Variants in AOX1 observed in about 807,000 individuals in gnomAD.
The protein encoded by AOX1 is aldehyde oxidase 1, also known as aldehyde oxidase.
Under a neutral mutation model 169.5 loss-of-function variants are expected in AOX1, and 153 were observed. The observed-to-expected ratio is 0.90, with a 90% CI of 0.79 to 1.03. The LOEUF (loss-of-function observed/expected upper bound fraction) is 1.03, where lower values mean the gene tolerates loss of function less well. AOX1 is among the 50% of genes least tolerant of loss of function. The pLI, the probability that AOX1 is intolerant of heterozygous loss-of-function variation, is 0.00. For missense variants in AOX1, 1,656 were observed against 1,663.9 expected (o/e 1.00, Z 0.08); for synonymous variants, 562 against 581.9 (o/e 0.97, Z 0.49).
rs1386430493 is a variant in AOX1, at chr2:200,668,620, A to C, written c.3615A>C (p.Glu1205Asp). ...TTTTTTTGTTCTTGCCTCAGATTGAAGGTGCATTTATTCAAGGCATGGGAC... is the reference window on the plus strand; with the variant it reads ...TTTTTTTGTTCTTGCCTCAGATTGACGGTGCATTTATTCAAGGCATGGGAC... The part of the protein sequence containing the change: ...INPAIDIGQI[E>D]GAFIQGMGLY... The change falls in exon 33 of 35, where the codon GAA becomes GAC. Residue 1205 changes from glutamate to aspartate, a missense_variant. Coordinates refer to ENST00000374700, the MANE Select transcript of AOX1 (RefSeq NM_001159.4). 9 of 1,602,424 alleles carry C rather than the reference A, an allele frequency of 5.6e-6. No homozygotes were observed. The highest frequency in any genetic ancestry group is 7.7e-6 in the Non-Finnish European group (9 of 1,174,870).
At chr2:200,672,862 G>A (rs1029277076), downstream of AOX1, among the ~76,000 whole-genome samples, 9 of 152,198 alleles carry the variant, frequency 5.9e-5, no homozygotes, top group Admixed American at 1.3e-4. Context: ...GGGGAGACAA[G>A]GCATTAGAGC....
chr2:200,662,806 C>T (rs62279335), intron 30 of AOX1, 49 bp from the exon 31 acceptor site: 43,990 of 1,464,708 alleles, frequency 0.03, 1,226 homozygotes, highest in Admixed American at 0.13. Flanking sequence ...TCATCATGGT[C>T]TGCAATTAGG....
rs1392872491 is a variant in AOX1, at chr2:200,634,654, CATT to C, written c.2222-136_2222-134del. On this transcript the variant is annotated intron_variant, in intron 20 of 34. Coordinates refer to ENST00000374700, the MANE Select transcript of AOX1 (RefSeq NM_001159.4). Reference sequence around the variant, plus strand: ...ATCTGCAAGTAGACTGAAAGCTAAACATTGTTGTTTGTTATACTTCACTGTGCC... The same window carrying C: ...ATCTGCAAGTAGACTGAAAGCTAAACGTTGTTTGTTATACTTCACTGTGCC... 1.2e-5 allele frequency: 13 copies of C among 1,069,254 alleles called. No homozygotes were observed. In the African/African-American group the frequency reaches 1.9e-4, roughly 16 times the overall value. 66.2% of individuals were successfully genotyped at this position (1,069,254 alleles called of 1,614,324 possible).
chr2:200,655,296 C>T (rs1196684357), intron 26 of AOX1, among the ~76,000 whole-genome samples: 2 of 152,160 alleles, frequency 1.3e-5, no homozygotes, highest in African/African-American at 2.4e-5. Flanking sequence ...GAATGGGGCC[C>T]AGGAGCTATT....
downstream of AOX1, among the ~76,000 whole-genome samples, chr2:200,677,649 G>A (rs1272788345): frequency 6.6e-6 from 1 of 152,040 alleles, no homozygotes; most frequent in Non-Finnish European, 1.5e-5. Context: ...CCTTTATGCA[G>A]GGAATTCTTA....
chr2:200,661,807 T>A (rs1219458535), intron 30 of AOX1, among the ~76,000 whole-genome samples, 176 bp downstream of exon 30: 1 of 152,218 alleles, frequency 6.6e-6, no homozygotes, highest in Non-Finnish European at 1.5e-5. Flanking sequence ...AACATTTAAC[T>A]GCTAGTATCC....
intron 20 of AOX1, 49 bp from the exon 21 acceptor site, chr2:200,634,742 C>T (rs1559248091): frequency 6.2e-7 from 1 of 1,609,554 alleles, no homozygotes; most frequent in East Asian, 2.2e-5. Context: ...GGGACGCTAC[C>T]TGTTGCTTCT....
At position 200,644,431 on chromosome 2, in the gene AOX1, T is replaced by A. The variant is rs183446097; in HGVS notation, c.2847+1630T>A. 1.2e-4 allele frequency among the ~76,000 whole-genome samples: 18 copies of A among 152,302 alleles called. No homozygotes were observed. In the East Asian group the frequency reaches 3.5e-3, roughly 29 times the overall value. Reference sequence around the variant, plus strand: ...CTATGTGCCTATTTTTATACACTACTACACCATTTTGTTGACTATGGCCTT... The same window carrying A: ...CTATGTGCCTATTTTTATACACTACAACACCATTTTGTTGACTATGGCCTT... On this transcript the variant is annotated intron_variant, in intron 25 of 34. Coordinates refer to ENST00000374700, the MANE Select transcript of AOX1 (RefSeq NM_001159.4).
chr2:200,636,334 G>A (rs2035232600), intron 21 of AOX1, among the ~76,000 whole-genome samples: 2 of 151,832 alleles, frequency 1.3e-5, no homozygotes, highest in Admixed American at 6.6e-5. Context: ...TCATCATGTT[G>A]GCCAGGCTGG....
In AOX1 at chr2:200,643,186, CTT is replaced by C. The variant is rs35539595; in HGVS notation, c.2847+398_2847+399del. On this transcript the variant is annotated intron_variant, in intron 25 of 34. Coordinates refer to ENST00000374700, the MANE Select transcript of AOX1 (RefSeq NM_001159.4). ...TTGCTAAACTGATCTCCTTTTGGTT[CTT>C]TTTTTTTTTTTTGTAACATTAATAG... Among the ~76,000 whole-genome samples, 110 of 132,088 alleles carry C rather than the reference CTT, an allele frequency of 8.3e-4. No individual in the cohort carries two copies. In the Middle Eastern group the frequency reaches 0.016, roughly 19 times the overall value. The allele number at this position is 132,088 out of a possible 152,430, so 86.7% of individuals were successfully genotyped here.
intron 8 of AOX1, 124 bp downstream of exon 8, chr2:200,604,221 G>T (rs1034806187): frequency 8.2e-6 from 6 of 728,856 alleles, no homozygotes; most frequent in Non-Finnish European, 1.2e-5. Flanking sequence ...GTCATCCTTA[G>T]CTCAAGGTCT....
In AOX1 at chr2:200,668,753, A is replaced by G; in HGVS notation, c.3748A>G (p.Ile1250Val). 6.2e-7 allele frequency: 1 copy of G among 1,614,168 alleles called. No homozygotes were observed. Among genetic ancestry groups the G allele is most frequent in the Non-Finnish European group, 8.5e-7 (1 of 1,180,026 alleles). ...CTGTGACATGCCCACGGAGTTGCAC[A>G]TTGCTTTGTTGCCTCCTTCTCAAAA... is the stretch of plus-strand genomic sequence containing the variant. ...AICDMPTELH[I>V]ALLPPSQNSN... Residue 1250 changes from isoleucine to valine, a missense_variant, in exon 33 of 35, where the codon ATT (isoleucine) becomes GTT (valine). By Grantham distance (29) the Ile-to-Val change is conservative. Transcript: ENST00000374700.
Position 200,586,125 on chromosome 2 carries a change from A to G in AOX1, c.17A>G (p.Glu6Gly). MDRAS[E>G]LLFYVNGRKV... ...GACACCACAATGGACCGGGCGTCCG[A>G]GCTGCTCTTCTACGTGAACGGCCGC... Residue 6 changes from glutamate to glycine, a missense_variant, in exon 1 of 35, where the codon GAG (glutamate) becomes GGG (glycine). Coordinates refer to ENST00000374700, the MANE Select transcript of AOX1 (RefSeq NM_001159.4). 6.4e-7 allele frequency: 1 copy of G among 1,565,316 alleles called. No homozygotes were observed. The highest frequency in any genetic ancestry group is 1.2e-5 in the South Asian group (1 of 84,902).
At chr2:200,601,826 G>A (rs1157037573) in intron 5 of AOX1, among the ~76,000 whole-genome samples, 5 of 152,072 alleles carry the variant, frequency 3.3e-5, no homozygotes, top group Admixed American at 1.3e-4. Context: ...CCAGCTACTC[G>A]GGGGGCTGAG....
Position 200,676,894 on chromosome 2 carries a change from C to CT in AOX1, c.504dup (p.Val169CysfsTer?), listed in dbSNP as rs939139270. ...CTCTTCCAGGGAGCACATGGCAAGC[C>CT]TGTCAGGCGGACACAGGAACAGGTG... On this transcript the variant is annotated frameshift_variant, in exon 5 of 5. Transcript: ENST00000439380. LOFTEE classifies it low-confidence loss of function (END_TRUNC). The CT allele has an allele frequency of 2.5e-5, 12 of 470,702 alleles. No individual in the cohort carries two copies. The highest frequency in any genetic ancestry group is 2.4e-4 in the African/African-American group (12 of 50,038). 29.2% of individuals were successfully genotyped at this position (470,702 alleles called of 1,614,324 possible). A position where few individuals can be genotyped will look rare whatever the true frequency, so the allele number is the denominator to read the frequency against.
chr2:200,599,572 T>A (rs10179964), intron 4 of AOX1, 48 bp from the exon 5 acceptor site: 68 of 1,533,150 alleles, frequency 4.4e-5, no homozygotes, highest in Non-Finnish European at 5.7e-5. Context: ...TCATTAGGCC[T>A]GGGATGGGGC....
chr2:200,638,787 T>G (rs1247458131), intron 23 of AOX1, among the ~76,000 whole-genome samples: 1 of 152,252 alleles, frequency 6.6e-6, no homozygotes, highest in African/African-American at 2.4e-5. Context: ...ATAGTGATTC[T>G]TTTGCTTTAT....
chr2:200,659,973 T>C, intron 28 of AOX1, 22 bp from the exon 29 acceptor site: 1 of 1,591,904 alleles, frequency 6.3e-7, no homozygotes, highest in Non-Finnish European at 8.6e-7. Context: ...GAGCATAATT[T>C]TAATTTAAAA....
At position 200,591,286 on chromosome 2, in the gene AOX1, T is replaced by C. The variant is rs77315021; in HGVS notation, c.46-1860T>C. On this transcript the variant is annotated intron_variant, in intron 1 of 34. Transcript: ENST00000374700. ...TTATGATACAGTGTAAAAAGTGTCATAAAAGAAGAGGTGAAGACATCAGCC... is the reference window on the plus strand; with the variant it reads ...TTATGATACAGTGTAAAAAGTGTCACAAAAGAAGAGGTGAAGACATCAGCC... Among the ~76,000 whole-genome samples the C allele has an allele frequency of 7.9e-4, 121 of 152,248 alleles. 1 individual carries two copies. The highest frequency in any genetic ancestry group is 1.5e-3 in the Non-Finnish European group (105 of 68,012).
Sources: gnomAD v4.1 joint callset for allele counts (sites outside exome capture counted in the v4.1 genomes callset) on GRCh38, gnomAD v4.1.1 for gene constraint, MANE v1.5 for transcripts, NCBI Gene and HGNC (gene_info 2026-07-23, HGNC 2026-07-21) for gene names.